Variants in ZNF740 observed in about 807,000 individuals in gnomAD.
ZNF740 encodes zinc finger protein 740.
A neutral mutation model predicts 24.8 loss-of-function variants in ZNF740; 14 were observed. The ratio of observed to expected loss-of-function variants is 0.56; its 90% CI spans 0.37 to 0.88. The LOEUF is 0.88. Ranked by LOEUF, ZNF740 falls within the 40% of genes least tolerant of loss-of-function variation. The pLI is 0.00. For synonymous variants in ZNF740, 69 were observed against 84.0 expected (o/e 0.82, Z 0.98); for missense variants, 201 against 247.9 (o/e 0.81, Z 1.27).
Position 53,190,541 on chromosome 12 carries a change from A to G in ZNF740, c.*2951A>G, listed in dbSNP as rs760168640. The G allele has an allele frequency of 2.2e-4, 34 of 152,650 alleles. No homozygotes were observed. Among genetic ancestry groups the G allele is most frequent in the Admixed American group, 1.5e-3 (23 of 15,270 alleles). 9.5% of individuals were successfully genotyped at this position (152,650 alleles called of 1,614,324 possible). ...CATCACTTAGCTACTGATCACGCCC[A>G]TGGCTTGACATTGGAGGGTTACATT... On this transcript the variant is annotated 3_prime_UTR_variant, in exon 7 of 7. Transcript: ENST00000416904.
chr12:53,194,005 G>T lies in ZNF740; in HGVS notation c.*6415G>T. On this transcript the variant is annotated 3_prime_UTR_variant, in exon 7 of 7. Transcript: ENST00000416904. ...TCACCCCTTAGTAAATGAAGGGATG[G>T]GGTCATGTTAACACCCAACTCCTAG... 7.6e-7 allele frequency: 1 copy of T among 1,321,024 alleles called. No homozygotes were observed. The highest frequency in any genetic ancestry group is 1.4e-5 in the South Asian group (1 of 72,142). 81.8% of individuals were successfully genotyped at this position (1,321,024 alleles called of 1,614,324 possible).
In ZNF740 at chr12:53,185,934, T is replaced by C. The variant is rs1941813263; in HGVS notation, c.250-20T>C. On this transcript the variant is annotated intron_variant, in intron 4 of 6. Coordinates refer to ENST00000416904, the MANE Select transcript of ZNF740 (RefSeq NM_001004304.4). ...AGAGGGCAGTGGTGGCCTCATGACA[T>C]GCCTGATTATTGCCCCCAGGTGGTG... 1.9e-6 allele frequency: 3 copies of C among 1,612,958 alleles called. No individual in the cohort carries two copies. Among genetic ancestry groups the C allele is most frequent in the Non-Finnish European group, 2.5e-6 (3 of 1,179,368 alleles).
Position 53,181,992 on chromosome 12 carries a change from G to A in ZNF740, c.9G>A (p.Gln3=), listed in dbSNP as rs1478976520. MA[Q]ASLLACEGLA... The stretch of plus-strand genomic sequence containing the variant: ...TTAAGTGAGAAATCAGCATGGCTCA[G>A]GTAAAAAGCTCTAGAGTCCTCCTCC... Residue 3 remains glutamine, a splice_region_variant and synonymous_variant, in exon 2 of 7, where the codon CAG becomes CAA. Transcript: ENST00000416904. 3 of 1,608,146 alleles carry A rather than the reference G, an allele frequency of 1.9e-6. No individual in the cohort carries two copies. The highest frequency in any genetic ancestry group is 1.7e-4 in the Middle Eastern group (1 of 6,056).
rs1311860866 is a variant in ZNF740, at chr12:53,192,905, C to T, written c.*5315C>T. Reference sequence around the variant, plus strand: ...TGACATACTCCACATTGGCAGCGACCAAAGCCTGGGGTAGAGCCATGCAGA... The same window carrying T: ...TGACATACTCCACATTGGCAGCGACTAAAGCCTGGGGTAGAGCCATGCAGA... On this transcript the variant is annotated 3_prime_UTR_variant, in exon 7 of 7. Transcript: ENST00000416904. 1.2e-6 allele frequency: 2 copies of T among 1,613,832 alleles called. No individual in the cohort carries two copies. Among genetic ancestry groups the T allele is most frequent in the Non-Finnish European group, 1.7e-6 (2 of 1,179,898 alleles).
At chr12:53,184,051 C>T (rs191139444) in intron 2 of ZNF740, among the ~76,000 whole-genome samples, 3 of 148,920 alleles carry the variant, frequency 2.0e-5, no homozygotes, top group East Asian at 2.1e-4. Context: ...TGAAACAAAC[C>T]GATAGAAAAT....
intron 2 of ZNF740, among the ~76,000 whole-genome samples, chr12:53,183,904 G>A (rs954331221): frequency 6.6e-6 from 1 of 152,024 alleles, no homozygotes; most frequent in East Asian, 1.9e-4. Flanking sequence ...TTCTCCTGAA[G>A]TCCCAGTTAC....
chr12:53,183,875 A>T (rs1466649900), intron 2 of ZNF740, among the ~76,000 whole-genome samples: 1 of 151,990 alleles, frequency 6.6e-6, no homozygotes, highest in Admixed American at 6.6e-5. Context: ...ACAAAAAAAA[A>T]TAGCCGGGTG....
Position 53,193,069 on chromosome 12 carries a change from G to A in ZNF740, c.*5479G>A, listed in dbSNP as rs1330327670. 3.5e-6 allele frequency: 5 copies of A among 1,446,280 alleles called. No homozygotes were observed. Among genetic ancestry groups the A allele is most frequent in the Non-Finnish European group, 4.8e-6 (5 of 1,047,478 alleles). 89.6% of individuals were successfully genotyped at this position (1,446,280 alleles called of 1,614,324 possible). ...TTTTGATATTTGCCTTCCATGCCAG[G>A]AGATTCCCAGAGCCTAAGTGCCTTG... On this transcript the variant is annotated 3_prime_UTR_variant, in exon 7 of 7. Coordinates refer to ENST00000416904, the MANE Select transcript of ZNF740 (RefSeq NM_001004304.4).
rs753822465 is a variant in ZNF740 at position 53,193,951 on chromosome 12, T to C, written c.*6361T>C. On this transcript the variant is annotated 3_prime_UTR_variant, in exon 7 of 7. Coordinates refer to ENST00000416904, the MANE Select transcript of ZNF740 (RefSeq NM_001004304.4). ...ATGGTTATACACATGCACACACACATACCCCAAACTCACCAATCATCCAGA... is the reference window on the plus strand; with the variant it reads ...ATGGTTATACACATGCACACACACACACCCCAAACTCACCAATCATCCAGA... The C allele has an allele frequency of 2.0e-6, 3 of 1,509,232 alleles. No individual in the cohort carries two copies. In the South Asian group the frequency reaches 3.7e-5, roughly 18 times the overall value. The allele number at this position is 1,509,232 out of a possible 1,614,324, so 93.5% of individuals were successfully genotyped here.
In ZNF740 at chr12:53,192,430, A is replaced by G; in HGVS notation, c.*4840A>G. On this transcript the variant is annotated 3_prime_UTR_variant, in exon 7 of 7. Transcript: ENST00000416904. ...CCAGGGTCCGCTCTTTGCACCAGCC[A>G]TCATCCAAGATAGGGGCCAAGGCCA... The G allele has an allele frequency of 6.2e-7, 1 of 1,614,128 alleles. No individual in the cohort carries two copies. The highest frequency in any genetic ancestry group is 8.5e-7 in the Non-Finnish European group (1 of 1,180,024).
rs755606298 is a variant in ZNF740, at chr12:53,185,446, G to C, written c.219G>C (p.Glu73Asp). The change falls in exon 4 of 7, where the codon GAG becomes GAC. Residue 73 changes from glutamate to aspartate, a missense_variant. Glu to Asp is a conservative substitution (Grantham distance 45). Around this residue, in one of 3 missense-constraint regions of ZNF740, gnomAD observed 117 missense variants for 122.3 expected, o/e 0.96. Transcript: ENST00000416904. ...RSRKDDDSLS[E>D]ASHSKKTVKK... ...GCAAAGATGATGACAGCTTGTCTGA[G>C]GCCTCTCATTCAAAAAAGACTGTTA... The C allele has an allele frequency of 1.2e-6, 2 of 1,613,988 alleles. No homozygotes were observed. Among genetic ancestry groups the C allele is most frequent in the Non-Finnish European group, 1.7e-6 (2 of 1,179,896 alleles).
At position 53,185,010 on chromosome 12, in the gene ZNF740, T is replaced by G. The variant is rs762137090; in HGVS notation, c.129T>G (p.Gly43=). ...SKQAENGERA[G]SPDVLRCSSQ... is the part of the protein sequence containing the mutation. ...AGGCCGAGAATGGCGAGCGGGCAGGTAGCCCTGATGTGCTGAGGTGCTCGA... is the reference window on the plus strand; with the variant it reads ...AGGCCGAGAATGGCGAGCGGGCAGGGAGCCCTGATGTGCTGAGGTGCTCGA... Residue 43 remains glycine, a synonymous_variant, in exon 3 of 7, where the codon GGT becomes GGG. Coordinates refer to ENST00000416904, the MANE Select transcript of ZNF740 (RefSeq NM_001004304.4). 6.2e-6 allele frequency: 10 copies of G among 1,613,848 alleles called. No homozygotes were observed. Among genetic ancestry groups the G allele is most frequent in the Non-Finnish European group, 6.8e-6 (8 of 1,179,894 alleles).
Position 53,185,135 on chromosome 12 carries a change from T to C in ZNF740, c.159+95T>C, listed in dbSNP as rs1274692168. 3 of 1,569,294 alleles carry C rather than the reference T, an allele frequency of 1.9e-6. No individual in the cohort carries two copies. In the East Asian group the frequency reaches 6.8e-5, roughly 35 times the overall value. On this transcript the variant is annotated intron_variant, in intron 3 of 6. Transcript: ENST00000416904. ...GCTCTGATTCCTTGATGCTTCCTCA[T>C]AGGGAAGTGGGGCAAGGGGATCCAA...
chr12:53,192,692 G>A lies in ZNF740; in HGVS notation c.*5102G>A, dbSNP rs763843824. 11 of 1,612,438 alleles carry A rather than the reference G, an allele frequency of 6.8e-6. No individual in the cohort carries two copies. Among genetic ancestry groups the A allele is most frequent in the African/African-American group, 2.7e-5 (2 of 75,044 alleles). On this transcript the variant is annotated 3_prime_UTR_variant, in exon 7 of 7. Transcript: ENST00000416904. ...AAGATGCAAGACCTGAGGCCTCACCGGTGTCTCTCGCATGGTGTCTTGCAG... is the reference window on the plus strand; with the variant it reads ...AAGATGCAAGACCTGAGGCCTCACCAGTGTCTCTCGCATGGTGTCTTGCAG...
At chr12:53,181,023 G>T in intron 1 of ZNF740, 186 bp downstream of exon 1, 1 of 849,906 alleles carries the variant, frequency 1.2e-6, no homozygotes, top group Non-Finnish European at 1.5e-6. Flanking sequence ...CTGCCCGCGC[G>T]TCCCGCCGCG....
chr12:53,192,853 G>A lies in ZNF740; in HGVS notation c.*5263G>A. On this transcript the variant is annotated 3_prime_UTR_variant, in exon 7 of 7. Transcript: ENST00000416904. ...GTCCATGTCCCCACTGCATTCGCAT[G>A]CTCTGCCCGTGCGGTTGGCATGACA... 2 of 1,614,212 alleles carry A rather than the reference G, an allele frequency of 1.2e-6. No homozygotes were observed. The highest frequency in any genetic ancestry group is 1.7e-6 in the Non-Finnish European group (2 of 1,180,048).
rs1941923349 is a variant in ZNF740 at position 53,190,964 on chromosome 12, C to G, written c.*3374C>G. 6.4e-6 allele frequency: 1 copy of G among 156,740 alleles called. No homozygotes were observed. The highest frequency in any genetic ancestry group is 2.4e-5 in the African/African-American group (1 of 41,436). The allele number at this position is 156,740 out of a possible 1,614,324, so 9.7% of individuals were successfully genotyped here. A position where few individuals can be genotyped will look rare whatever the true frequency, so the allele number is the denominator to read the frequency against. On this transcript the variant is annotated 3_prime_UTR_variant, in exon 7 of 7. Coordinates refer to ENST00000416904, the MANE Select transcript of ZNF740 (RefSeq NM_001004304.4). ...CCCACAACTTCCAGCACCCTATAAG[C>G]CATTTTAAAACCCCTTCTCCACAGA... is the stretch of plus-strand genomic sequence containing the variant.
At position 53,187,647 on chromosome 12, in the gene ZNF740, C is replaced by A. The variant is rs1414208420; in HGVS notation, c.*57C>A. On this transcript the variant is annotated 3_prime_UTR_variant, in exon 7 of 7. Coordinates refer to ENST00000416904, the MANE Select transcript of ZNF740 (RefSeq NM_001004304.4). ...AGAAGAACCTGCCGAAGAGCACACCCCCTCTGGTCTGATGGTCCCACCACC... is the reference window on the plus strand; with the variant it reads ...AGAAGAACCTGCCGAAGAGCACACCACCTCTGGTCTGATGGTCCCACCACC... 1 of 1,416,628 alleles carries A rather than the reference C, an allele frequency of 7.1e-7. No individual in the cohort carries two copies. The highest frequency in any genetic ancestry group is 1.8e-5 in the Admixed American group (1 of 56,098). The allele number at this position is 1,416,628 out of a possible 1,614,324, so 87.8% of individuals were successfully genotyped here. A position where few individuals can be genotyped will look rare whatever the true frequency, so the allele number is the denominator to read the frequency against.
chr12:53,187,664 C>G lies in ZNF740; in HGVS notation c.*74C>G. On this transcript the variant is annotated 3_prime_UTR_variant, in exon 7 of 7. Transcript: ENST00000416904. ...AGCACACCCCCTCTGGTCTGATGGTCCCACCACCGCCCCATGTGAACCTGT... is the reference window on the plus strand; with the variant it reads ...AGCACACCCCCTCTGGTCTGATGGTGCCACCACCGCCCCATGTGAACCTGT... 2.5e-6 allele frequency: 3 copies of G among 1,182,018 alleles called. No individual in the cohort carries two copies. Among genetic ancestry groups the G allele is most frequent in the South Asian group, 2.5e-5 (2 of 78,656 alleles). 73.2% of individuals were successfully genotyped at this position (1,182,018 alleles called of 1,614,324 possible).
Sources: allele counts gnomAD v4.1 joint callset (sites outside exome capture counted in the v4.1 genomes callset), GRCh38; gene constraint gnomAD v4.1.1; regional missense constraint gnomAD v4.1.1; transcripts MANE v1.5; gene names NCBI Gene and HGNC (gene_info 2026-07-23, HGNC 2026-07-21).